PCDH15: variants seen among roughly 807,000 people sequenced by gnomAD.
PCDH15 encodes protocadherin-15.
A neutral mutation model predicts 178.5 loss-of-function variants in PCDH15; 129 were observed. The ratio of observed to expected loss-of-function variants is 0.72; its 90% CI spans 0.63 to 0.84. The LOEUF (loss-of-function observed/expected upper bound fraction) is 0.84, where lower values mean the gene tolerates loss of function less well. Among genes scored for constraint, PCDH15 ranks in the 40% least tolerant of loss-of-function variants. The pLI is 0.00. For synonymous variants in PCDH15, 800 were observed against 732.0 expected (o/e 1.09, Z -1.50); for missense variants, 2,230 against 2,099.9 (o/e 1.06, Z -1.21).
chr10:55,326,343 T>G (rs1239679382), intron 2 of PCDH15, among the ~76,000 whole-genome samples: 1 of 152,106 alleles, frequency 6.6e-6, no homozygotes. Flanking sequence ...CAAATGCCCA[T>G]CAACAGTAGA....
chr10:54,727,229 G>T (rs976257394), intron 1 of PCDH15, among the ~76,000 whole-genome samples: 2 of 116,476 alleles, frequency 1.7e-5, no homozygotes, highest in African/African-American at 7.0e-5. Flanking sequence ...AAAAACACAT[G>T]CACACAAAAT....
intron 1 of PCDH15, among the ~76,000 whole-genome samples, chr10:54,757,014 T>C (rs1947226888): frequency 1.3e-5 from 2 of 152,186 alleles, no homozygotes; most frequent in Non-Finnish European, 2.9e-5. Flanking sequence ...AAGCTCCCAA[T>C]TGGATTACCA....
chr10:54,621,839 GAA>G (rs2093357742), intron 2 of PCDH15, among the ~76,000 whole-genome samples: 1 of 151,984 alleles, frequency 6.6e-6, no homozygotes, highest in South Asian at 2.1e-4. Flanking sequence ...CTTCAGGAAA[GAA>G]AATGAAACGG....
intron 10 of PCDH15, among the ~76,000 whole-genome samples, chr10:54,203,148 T>G (rs985846242): frequency 6.6e-6 from 1 of 152,172 alleles, no homozygotes; most frequent in African/African-American, 2.4e-5. Flanking sequence ...CCAGAAGATT[T>G]GGAGTCTAGT....
At chr10:54,277,190 T>C (rs2058397137) in intron 8 of PCDH15, among the ~76,000 whole-genome samples, 1 of 151,616 alleles carries the variant, frequency 6.6e-6, no homozygotes, top group Admixed American at 6.6e-5. Flanking sequence ...AAAAAAGGCC[T>C]TAAACTGTTT....
At position 53,806,697 on chromosome 10, in the gene PCDH15, A is replaced by C. The variant is rs748166170; in HGVS notation, c.5105T>G (p.Ile1702Ser). The C allele has an allele frequency of 1.2e-6, 2 of 1,613,716 alleles. No homozygotes were observed. Among genetic ancestry groups the C allele is most frequent in the African/African-American group, 2.7e-5 (2 of 74,896 alleles). ...LKSTVEQESMIDSKNIKEALE... is the reference protein window; with the variant it reads ...LKSTVEQESMSDSKNIKEALE... The stretch of plus-strand genomic sequence containing the variant: ...AGCCTCCTTGATGTTCTTACTGTCA[A>C]TCATGGACTCCTGTTCAACTGTGCT... Residue 1702 changes from isoleucine to serine, a missense_variant, in exon 38 of 38, where the codon ATT becomes AGT. Coordinates refer to ENST00000644397, the MANE Select transcript of PCDH15 (RefSeq NM_001384140.1).
Position 54,378,892 on chromosome 10 carries a change from C to A in PCDH15, c.208G>T (p.Asp70Tyr). ...TTTAAAGAAAGTTCTATGGTGGGGT[C>A]TGGTCCTCCAGCAGTCCCTTTGATC... Reference protein sequence around the residue: ...MLIKGTAGGPDPTIELSLKDN... With the variant: ...MLIKGTAGGPYPTIELSLKDN... The change falls in exon 4 of 38, where the codon GAC (aspartate) becomes TAC (tyrosine). Residue 70 changes from aspartate (D) to tyrosine (Y), a missense_variant. By Grantham distance (160) the Asp-to-Tyr change is radical. Coordinates refer to ENST00000644397, the MANE Select transcript of PCDH15 (RefSeq NM_001384140.1). 1.2e-6 allele frequency: 2 copies of A among 1,613,776 alleles called. No individual in the cohort carries two copies. The highest frequency in any genetic ancestry group is 8.5e-7 in the Non-Finnish European group (1 of 1,179,778).
chr10:55,288,090 A>G (rs563637546), intron 1 of PCDH15, among the ~76,000 whole-genome samples: 90 of 150,436 alleles, frequency 6.0e-4, no homozygotes, highest in East Asian at 2.3e-3. Flanking sequence ...TTATATATAT[A>G]TGTGTAAGAT....
At chr10:54,611,275 G>A in intron 2 of PCDH15, among the ~76,000 whole-genome samples, 1 of 151,724 alleles carries the variant, frequency 6.6e-6, no homozygotes, top group East Asian at 1.9e-4. Flanking sequence ...TAATATTGAT[G>A]TTTTTATTTT....
intron 21 of PCDH15, among the ~76,000 whole-genome samples, chr10:53,991,576 A>C (rs1428044543): frequency 6.6e-6 from 1 of 151,724 alleles, no homozygotes; most frequent in Non-Finnish European, 1.5e-5. Flanking sequence ...GACTTGGAGA[A>C]CTTTTGTGTC....
At chr10:55,489,332 G>A (rs1262196326) in intron 2 of PCDH15, among the ~76,000 whole-genome samples, 2 of 151,492 alleles carry the variant, frequency 1.3e-5, no homozygotes, top group Non-Finnish European at 3.0e-5. Flanking sequence ...CATACCAGCA[G>A]TTAGAAAATT....
At chr10:54,579,122 A>G (rs1295297039) in intron 2 of PCDH15, among the ~76,000 whole-genome samples, 1 of 152,068 alleles carries the variant, frequency 6.6e-6, no homozygotes, top group Non-Finnish European at 1.5e-5. Flanking sequence ...CAATTTCACA[A>G]TGGGATCAAA....
intron 3 of PCDH15, among the ~76,000 whole-genome samples, chr10:54,520,007 C>T (rs1345153838): frequency 6.6e-6 from 1 of 152,098 alleles, no homozygotes; most frequent in Non-Finnish European, 1.5e-5. Context: ...ACTGGCTAGC[C>T]ATATGTAGAA....
intron 3 of PCDH15, among the ~76,000 whole-genome samples, chr10:54,834,713 A>G (rs553942508): frequency 3.3e-4 from 51 of 152,328 alleles, no homozygotes; most frequent in South Asian, 4.1e-4. Context: ...AAGATGTCTT[A>G]GTTTATGTGA....
At chr10:54,303,290 C>A (rs2060253256) in intron 8 of PCDH15, among the ~76,000 whole-genome samples, 1 of 151,940 alleles carries the variant, frequency 6.6e-6, no homozygotes, top group Non-Finnish European at 1.5e-5. Flanking sequence ...ATATACAATT[C>A]TACAGACCAA....
At chr10:55,068,008 G>T (rs1841611088) in intron 2 of PCDH15, among the ~76,000 whole-genome samples, 1 of 151,836 alleles carries the variant, frequency 6.6e-6, no homozygotes, top group Non-Finnish European at 1.5e-5. Flanking sequence ...AAAATAGGTA[G>T]TTTCAAAATA....
chr10:53,842,812 G>T (rs899401950), intron 28 of PCDH15, among the ~76,000 whole-genome samples: 2 of 152,042 alleles, frequency 1.3e-5, no homozygotes, highest in Admixed American at 6.6e-5. Context: ...ACGCAAACAG[G>T]AGTACCTAGT....
At chr10:54,497,012 T>C (rs1314296285) in intron 3 of PCDH15, among the ~76,000 whole-genome samples, 1 of 152,088 alleles carries the variant, frequency 6.6e-6, no homozygotes, top group Non-Finnish European at 1.5e-5. Context: ...CACTGGACCA[T>C]AGTGCTTTTG....
At chr10:54,398,077 G>A (rs73251616) in intron 3 of PCDH15, among the ~76,000 whole-genome samples, 3,993 of 151,920 alleles carry the variant, frequency 0.026, 167 homozygotes, top group African/African-American at 0.089. Flanking sequence ...CCCATGCAGA[G>A]ATCAGATGGT....
Sources: gnomAD v4.1 joint callset for allele counts (sites outside exome capture counted in the v4.1 genomes callset) on GRCh38, gnomAD v4.1.1 for gene constraint, MANE v1.5 for transcripts, NCBI Gene and HGNC (gene_info 2026-07-23, HGNC 2026-07-21) for gene names.